Variants in GRHL2 observed in about 807,000 individuals in gnomAD.
GRHL2 encodes the protein grainyhead-like protein 2 homolog.
In GRHL2, 21 loss-of-function variants were observed where a neutral mutation model predicts 83.8. The observed-to-expected ratio is 0.25, with a 90% confidence interval of 0.18 to 0.36. The LOEUF (loss-of-function observed/expected upper bound fraction) is 0.36. Ranked by LOEUF, GRHL2 falls within the 10% of genes least tolerant of loss-of-function variation. The probability of loss-of-function intolerance (pLI) is 1.00; values close to 1 mark genes in which losing one functional copy is unlikely to be tolerated. For synonymous variants in GRHL2, 280 were observed against 278.9 expected (o/e 1.00, Z -0.04); for missense variants, 623 against 781.8 (o/e 0.80, Z 2.42).
intron 2 of GRHL2, among the ~76,000 whole-genome samples, chr8:101,544,701 T>G (rs1284162434): frequency 6.6e-6 from 1 of 152,238 alleles, no homozygotes; most frequent in African/African-American, 2.4e-5. Context: ...GAATAAGAAC[T>G]GAATCCCACC....
chr8:101,634,337 G>A (rs1813243462), intron 11 of GRHL2, among the ~76,000 whole-genome samples: 1 of 152,180 alleles, frequency 6.6e-6, no homozygotes, highest in African/African-American at 2.4e-5. Flanking sequence ...TTAGCTGAAG[G>A]AAAGGAGCTT....
At chr8:101,589,702 A>G (rs1162579426) in intron 7 of GRHL2, among the ~76,000 whole-genome samples, 1 of 152,232 alleles carries the variant, frequency 6.6e-6, no homozygotes, top group African/African-American at 2.4e-5. Context: ...CACAAATGGT[A>G]TCTGTGAGGG....
At chr8:101,664,825 A>G (rs1301791849) in intron 15 of GRHL2, among the ~76,000 whole-genome samples, 2 of 152,046 alleles carry the variant, frequency 1.3e-5, no homozygotes, top group African/African-American at 4.8e-5. Context: ...ACCTTTCTGC[A>G]GGGAGTGGAG....
downstream of GRHL2, among the ~76,000 whole-genome samples, chr8:101,669,905 G>A (rs1341669420): frequency 2.6e-5 from 4 of 152,196 alleles, no homozygotes; most frequent in Non-Finnish European, 2.9e-5. Context: ...AGTGTTAAAT[G>A]TGAAGAGGGC....
chr8:101,644,385 C>T (rs1286793261), intron 13 of GRHL2, among the ~76,000 whole-genome samples, 160 bp downstream of exon 13: 3 of 152,238 alleles, frequency 2.0e-5, no homozygotes, highest in Non-Finnish European at 4.4e-5. Flanking sequence ...GCTTTAAACT[C>T]TGTCCTTTCA....
intron 7 of GRHL2, among the ~76,000 whole-genome samples, chr8:101,594,495 C>G (rs187336493): frequency 2.6e-5 from 4 of 152,304 alleles, no homozygotes; most frequent in African/African-American, 9.6e-5. Flanking sequence ...ATTCACCCAG[C>G]TTTCAGAAAC....
At chr8:101,573,590 T>C in intron 5 of GRHL2, 78 bp from the exon 6 acceptor site, 1 of 1,534,300 alleles carries the variant, frequency 6.5e-7, no homozygotes, top group Non-Finnish European at 9.0e-7. Context: ...TCATGTGAAA[T>C]GCTATGATGT....
intron 8 of GRHL2, among the ~76,000 whole-genome samples, chr8:101,607,553 T>A (rs1316389870): frequency 6.6e-6 from 1 of 152,226 alleles, no homozygotes; most frequent in Non-Finnish European, 1.5e-5. Flanking sequence ...CCTAAATTAA[T>A]GTATTGGCTG....
intron 3 of GRHL2, among the ~76,000 whole-genome samples, chr8:101,556,644 C>A (rs994585368): frequency 1.3e-5 from 2 of 152,206 alleles, no homozygotes; most frequent in Non-Finnish European, 2.9e-5. Flanking sequence ...TCTGGGAGAT[C>A]TTGTTTTACA....
At chr8:101,545,117 C>T (rs1005022838) in intron 2 of GRHL2, among the ~76,000 whole-genome samples, 1 of 152,116 alleles carries the variant, frequency 6.6e-6, no homozygotes, top group Non-Finnish European at 1.5e-5. Context: ...CAGGTAGGAC[C>T]ATCCAGGGTA....
intron 1 of GRHL2, among the ~76,000 whole-genome samples, chr8:101,523,627 C>T (rs1810738889): frequency 6.6e-6 from 1 of 151,964 alleles, no homozygotes; most frequent in African/African-American, 2.4e-5. Flanking sequence ...AAGCATGCAC[C>T]ACCATGTGTG....
intron 4 of GRHL2, among the ~76,000 whole-genome samples, chr8:101,559,784 A>G (rs1811570693): frequency 6.6e-6 from 1 of 152,194 alleles, no homozygotes. Context: ...ATCAGAATCT[A>G]GGTATAGAAA....
chr8:101,615,793 G>A (rs1488902297), intron 8 of GRHL2, among the ~76,000 whole-genome samples: 1 of 152,084 alleles, frequency 6.6e-6, no homozygotes, highest in Non-Finnish European at 1.5e-5. Flanking sequence ...GTGATTGCAG[G>A]AACCATAACC....
At chr8:101,552,223 T>G (rs554627542) in intron 2 of GRHL2, among the ~76,000 whole-genome samples, 7 of 152,330 alleles carry the variant, frequency 4.6e-5, no homozygotes, top group African/African-American at 1.7e-4. Context: ...TTCCCCCAGC[T>G]ACTGGCTCAG....
chr8:101,569,046 G>A lies in GRHL2; in HGVS notation c.679-1293G>A, dbSNP rs942655524. 2.6e-5 allele frequency among the ~76,000 whole-genome samples: 4 copies of A among 152,284 alleles called. No individual in the cohort carries two copies. In the East Asian group the frequency reaches 7.7e-4, roughly 29 times the overall value. On this transcript the variant is annotated intron_variant, in intron 4 of 15. Transcript: ENST00000646743. ...ACCCTTGAAATGCTGGTCAAAGAATGTAAGTTTATTGCACAGAAATGAGAG... is the reference window on the plus strand; with the variant it reads ...ACCCTTGAAATGCTGGTCAAAGAATATAAGTTTATTGCACAGAAATGAGAG...
intron 1 of GRHL2, among the ~76,000 whole-genome samples, chr8:101,536,865 T>G (rs1002079947): frequency 4.6e-5 from 7 of 152,180 alleles, no homozygotes; most frequent in Non-Finnish European, 7.3e-5. Flanking sequence ...GCTTATTTCA[T>G]CACCCAGGTA....
At chr8:101,588,278 T>C (rs1812208438) in intron 7 of GRHL2, among the ~76,000 whole-genome samples, 1 of 152,182 alleles carries the variant, frequency 6.6e-6, no homozygotes, top group Admixed American at 6.5e-5. Flanking sequence ...GGGTCAGCAT[T>C]AGAACAGTAA....
At chr8:101,604,803 G>A (rs1812596962) in intron 8 of GRHL2, among the ~76,000 whole-genome samples, 1 of 152,146 alleles carries the variant, frequency 6.6e-6, no homozygotes, top group African/African-American at 2.4e-5. Context: ...TGACAGATAA[G>A]TCTACTACTG....
intron 1 of GRHL2, among the ~76,000 whole-genome samples, chr8:101,513,589 G>A (rs1193106834): frequency 7.2e-6 from 1 of 139,426 alleles, no homozygotes; most frequent in African/African-American, 2.7e-5. Flanking sequence ...CCACCTCCTG[G>A]GTTCAAATGA....
Sources: gnomAD v4.1 joint callset for allele counts (sites outside exome capture counted in the v4.1 genomes callset) on GRCh38, gnomAD v4.1.1 for gene constraint, MANE v1.5 for transcripts, NCBI Gene and HGNC (gene_info 2026-07-23, HGNC 2026-07-21) for gene names.